LRPPRC: variants seen among roughly 807,000 people sequenced by gnomAD.
LRPPRC encodes the protein leucine-rich PPR motif-containing protein, mitochondrial.
LRPPRC carries 120 observed loss-of-function variants against 180.3 expected under a neutral mutation model. The ratio of observed to expected loss-of-function variants is 0.67; its 90% CI spans 0.57 to 0.77. LRPPRC has a LOEUF of 0.77. LRPPRC is among the 30% of genes least tolerant of loss of function. The pLI is 0.00. For synonymous variants in LRPPRC, 723 were observed against 600.0 expected, an observed-to-expected ratio of 1.21 and a Z score of -3.00; for missense variants, 2,012 against 1,657.2, an observed-to-expected ratio of 1.21 and a Z score of -3.72.
At chr2:43,978,624 T>C (rs991184959) in intron 3 of LRPPRC, among the ~76,000 whole-genome samples, 3 of 152,112 alleles carry the variant, frequency 2.0e-5, no homozygotes, top group Non-Finnish European at 4.4e-5. Flanking sequence ...TTTATACTTA[T>C]AAAATCCTTT....
intron 14 of LRPPRC, among the ~76,000 whole-genome samples, chr2:43,954,283 A>G (rs1405772148): frequency 6.6e-6 from 1 of 152,258 alleles, no homozygotes; most frequent in African/African-American, 2.4e-5. Flanking sequence ...GACCTAGTAG[A>G]AAACTGGCAA....
In LRPPRC at chr2:43,918,846, TAG is replaced by T. The variant is rs560873120; in HGVS notation, c.2897-450_2897-449del. ...ATCTATATATAGATATCTCTATATA[TAG>T]AGATATATATATAGATATAGATAGA... On this transcript the variant is annotated intron_variant, in intron 27 of 37. Transcript: ENST00000260665. Among the ~76,000 whole-genome samples, 124 of 147,728 alleles carry T rather than the reference TAG, an allele frequency of 8.4e-4. 1 individual carries two copies. The highest frequency in any genetic ancestry group is 1.2e-3 in the Non-Finnish European group (82 of 67,242).
chr2:43,953,668 TTGGTG>T (rs1284050060), intron 14 of LRPPRC, among the ~76,000 whole-genome samples: 1 of 152,214 alleles, frequency 6.6e-6, no homozygotes, highest in Admixed American at 6.5e-5. Flanking sequence ...AGCACCTAGC[TTGGTG>T]TGGTTTAAAG....
In LRPPRC at chr2:43,894,298, C is replaced by T. The variant is rs139306796; in HGVS notation, c.3985+247G>A. ...TTCTACTCAATATACCCGGACTGCT[C>T]GGAAGATGTTCAGTGATACTTTTTA... On this transcript the variant is annotated intron_variant, in intron 36 of 37. Coordinates refer to ENST00000260665, the MANE Select transcript of LRPPRC (RefSeq NM_133259.4). Among the ~76,000 whole-genome samples, 80 of 152,238 alleles carry T rather than the reference C, an allele frequency of 5.3e-4. 1 individual carries two copies. In the East Asian group the frequency reaches 0.013, roughly 25 times the overall value.
intron 7 of LRPPRC, 34 bp from the exon 8 acceptor site, chr2:43,974,792 T>TA: frequency 1.9e-6 from 3 of 1,602,412 alleles, no homozygotes; most frequent in African/African-American, 1.3e-5. Context: ...AAGACAAAGT[T>TA]AGAGTGTTTT....
intron 27 of LRPPRC, among the ~76,000 whole-genome samples, chr2:43,920,534 AG>A (rs1376070482): frequency 2.0e-5 from 3 of 152,260 alleles, no homozygotes; most frequent in Non-Finnish European, 4.4e-5. Context: ...TGATAAAATT[AG>A]CCCAACTAAT....
At chr2:43,982,153 C>A (rs182863951) in intron 2 of LRPPRC, 85 bp downstream of exon 2, 16 of 899,708 alleles carry the variant, frequency 1.8e-5, no homozygotes, top group South Asian at 9.4e-5. Flanking sequence ...AGCGATCTAC[C>A]TGCCTCCCAA....
intron 29 of LRPPRC, among the ~76,000 whole-genome samples, chr2:43,912,889 C>T (rs1038273262): frequency 2.6e-5 from 4 of 152,034 alleles, no homozygotes; most frequent in Non-Finnish European, 5.9e-5. Flanking sequence ...TATGAAAAGA[C>T]GATACTAGTT....
chr2:43,964,766 C>T (rs908466005), intron 11 of LRPPRC, among the ~76,000 whole-genome samples: 2 of 151,928 alleles, frequency 1.3e-5, no homozygotes, highest in African/African-American at 2.4e-5. Flanking sequence ...AAACAGTTCA[C>T]CATATACAAA....
chr2:43,982,671 T>C (rs1674365132), intron 1 of LRPPRC, among the ~76,000 whole-genome samples: 1 of 152,192 alleles, frequency 6.6e-6, no homozygotes, highest in South Asian at 2.1e-4. Flanking sequence ...TGACAACATC[T>C]TGGTAACTTT....
chr2:43,930,161 GT>G (rs1436379094), intron 25 of LRPPRC, among the ~76,000 whole-genome samples: 1 of 152,060 alleles, frequency 6.6e-6, no homozygotes, highest in African/African-American at 2.4e-5. Flanking sequence ...TCAAAAGAGA[GT>G]TTTTCCCCCA....
At chr2:43,933,986 T>C (rs1672182207) in intron 25 of LRPPRC, among the ~76,000 whole-genome samples, 1 of 152,188 alleles carries the variant, frequency 6.6e-6, no homozygotes, top group Non-Finnish European at 1.5e-5. Context: ...GAAACAAATT[T>C]AATATACAAC....
chr2:43,896,983 T>A (rs1327906066), intron 34 of LRPPRC, among the ~76,000 whole-genome samples: 1 of 152,156 alleles, frequency 6.6e-6, no homozygotes, highest in African/African-American at 2.4e-5. Context: ...AACCACAGAA[T>A]AAGGTTTAGG....
intron 1 of LRPPRC, among the ~76,000 whole-genome samples, chr2:43,994,034 C>T (rs577867732): frequency 2.2e-4 from 33 of 151,562 alleles, no homozygotes; most frequent in African/African-American, 7.0e-4. Context: ...AAACTATGTT[C>T]TCTCTTTATT....
chr2:43,956,049 G>A (rs148325585), intron 14 of LRPPRC, among the ~76,000 whole-genome samples: 136 of 150,000 alleles, frequency 9.1e-4, no homozygotes, highest in Non-Finnish European at 1.5e-3. Flanking sequence ...TGCTAAAAAT[G>A]CTTAATCTGA....
At chr2:43,960,514 A>G (rs370679745) in intron 13 of LRPPRC, 27 bp downstream of exon 13, 63 of 1,189,418 alleles carry the variant, frequency 5.3e-5, no homozygotes, top group Middle Eastern at 1.9e-4. Flanking sequence ...ACATCTATCA[A>G]GTTTACCGCT....
At chr2:43,945,190 G>C in intron 22 of LRPPRC, 142 bp downstream of exon 22, 1 of 664,184 alleles carries the variant, frequency 1.5e-6, no homozygotes, top group Non-Finnish European at 2.8e-6. Flanking sequence ...TGTCCATGTA[G>C]CTCTGGTTGG....
At chr2:43,946,347 T>C (rs1259694762) in intron 20 of LRPPRC, 104 bp from the exon 21 acceptor site, 2 of 829,282 alleles carry the variant, frequency 2.4e-6, no homozygotes, top group East Asian at 2.6e-5. Context: ...AATAGTACTT[T>C]AAAAATAAAT....
intron 23 of LRPPRC, among the ~76,000 whole-genome samples, chr2:43,935,442 G>A (rs1476318467): frequency 6.6e-6 from 1 of 152,064 alleles, no homozygotes; most frequent in African/African-American, 2.4e-5. Context: ...CATATATATG[G>A]GAACTTACTA....
Sources: gnomAD v4.1 joint callset for allele counts (sites outside exome capture counted in the v4.1 genomes callset) on GRCh38, gnomAD v4.1.1 for gene constraint, MANE v1.5 for transcripts, NCBI Gene and HGNC (gene_info 2026-07-23, HGNC 2026-07-21) for gene names.